PRKCA: variants seen among roughly 807,000 people sequenced by gnomAD.
The protein encoded by PRKCA is protein kinase C alpha.
PRKCA carries 27 observed loss-of-function variants against 87.0 expected under a neutral mutation model. The ratio of observed to expected loss-of-function variants is 0.31; its 90% confidence interval spans 0.23 to 0.43. The LOEUF is 0.43. PRKCA is among the 20% of genes least tolerant of loss of function. The pLI is 1.00. For missense variants in PRKCA, 518 were observed against 852.3 expected, an observed-to-expected ratio of 0.61 and a Z score of 4.88; for synonymous variants, 329 against 311.1, an observed-to-expected ratio of 1.06 and a Z score of -0.61.
At chr17:66,771,699 G>C (rs747577280) in intron 13 of PRKCA, among the ~76,000 whole-genome samples, 1 of 151,896 alleles carries the variant, frequency 6.6e-6, no homozygotes, top group South Asian at 2.1e-4. Flanking sequence ...GGGTTCAAGC[G>C]ATTCTCCTAC....
intron 3 of PRKCA, among the ~76,000 whole-genome samples, chr17:66,582,790 T>C (rs1969484843): frequency 6.6e-6 from 1 of 152,154 alleles, no homozygotes; most frequent in African/African-American, 2.4e-5. Context: ...TCAGCTCCTC[T>C]ACCAACTCTA....
chr17:66,418,481 G>T (rs1052409170), intron 2 of PRKCA, among the ~76,000 whole-genome samples: 2 of 151,504 alleles, frequency 1.3e-5, no homozygotes, highest in Non-Finnish European at 2.9e-5. Context: ...CTGTCACCAG[G>T]CTGGAGTGCA....
At chr17:66,686,270 T>C (rs781161111) in intron 5 of PRKCA, among the ~76,000 whole-genome samples, 1 of 152,188 alleles carries the variant, frequency 6.6e-6, no homozygotes, top group Non-Finnish European at 1.5e-5. Context: ...TTCCTTCTAA[T>C]TATTTTTGAT....
At chr17:66,529,882 C>A (rs954770206) in intron 3 of PRKCA, among the ~76,000 whole-genome samples, 2 of 152,196 alleles carry the variant, frequency 1.3e-5, no homozygotes, top group Non-Finnish European at 2.9e-5. Context: ...CCAGACTAAT[C>A]AAATACATTT....
At chr17:66,645,642 C>T in intron 5 of PRKCA, 131 bp downstream of exon 5, 1 of 1,340,958 alleles carries the variant, frequency 7.5e-7, no homozygotes, top group Non-Finnish European at 1.0e-6. Flanking sequence ...CTGGTGGAGC[C>T]ATCACTGTCT....
intron 1 of PRKCA, among the ~76,000 whole-genome samples, chr17:66,305,339 A>G (rs940394119): frequency 9.2e-5 from 14 of 152,246 alleles, no homozygotes; most frequent in Non-Finnish European, 1.8e-4. Flanking sequence ...GAAACATTCT[A>G]TGTGAAGCAA....
intron 13 of PRKCA, among the ~76,000 whole-genome samples, chr17:66,756,417 G>A (rs1974549179): frequency 6.6e-6 from 1 of 151,972 alleles, no homozygotes; most frequent in African/African-American, 2.4e-5. Flanking sequence ...ACAAGACAGA[G>A]ACCTCATCGT....
chr17:66,398,393 G>GA (rs1910812897), intron 2 of PRKCA, among the ~76,000 whole-genome samples: 1 of 152,224 alleles, frequency 6.6e-6, no homozygotes, highest in African/African-American at 2.4e-5. Flanking sequence ...CTTTTGAAGT[G>GA]AATAGTGGCT....
At chr17:66,787,214 C>T (rs976736458) in intron 15 of PRKCA, 1 of 688,186 alleles carries the variant, frequency 1.5e-6, no homozygotes, top group African/African-American at 1.8e-5. Context: ...TAGTGTTGCT[C>T]CTGGCCTGGC....
intron 3 of PRKCA, among the ~76,000 whole-genome samples, chr17:66,629,447 A>C (rs1422477791): frequency 1.3e-5 from 2 of 152,198 alleles, no homozygotes; most frequent in African/African-American, 4.8e-5. Flanking sequence ...TCCTGTTTTT[A>C]CTAAATTAAA....
At chr17:66,656,446 T>A (rs1007055190) in intron 5 of PRKCA, among the ~76,000 whole-genome samples, 6 of 152,244 alleles carry the variant, frequency 3.9e-5, no homozygotes, top group Non-Finnish European at 8.8e-5. Context: ...CAGGTCATTC[T>A]TGTGCAGGAT....
chr17:66,316,671 C>T (rs1905332894), intron 2 of PRKCA, among the ~76,000 whole-genome samples: 1 of 152,042 alleles, frequency 6.6e-6, no homozygotes, highest in Non-Finnish European at 1.5e-5. Flanking sequence ...TTTGACACTT[C>T]TTTCTGCTGA....
chr17:66,773,709 G>T (rs1451669280), intron 13 of PRKCA, among the ~76,000 whole-genome samples: 3 of 151,942 alleles, frequency 2.0e-5, no homozygotes, highest in Admixed American at 2.0e-4. Context: ...TTCTGCCAGG[G>T]AGGATAATTA....
At chr17:66,418,512 T>TCTGCCTCC (rs1912294967) in intron 2 of PRKCA, among the ~76,000 whole-genome samples, 1 of 149,760 alleles carries the variant, frequency 6.7e-6, no homozygotes, top group Non-Finnish European at 1.5e-5. Context: ...CTCAGCTCAC[T>TCTGCCTCC]GCAACCTCTG....
Position 66,700,566 on chromosome 17 carries a change from A to G in PRKCA, c.918+11519A>G, listed in dbSNP as rs147644446. Among the ~76,000 whole-genome samples, 370 of 152,342 alleles carry G rather than the reference A, an allele frequency of 2.4e-3. 2 individuals carry two copies. Among genetic ancestry groups the G allele is most frequent in the African/African-American group, 8.2e-3 (342 of 41,590 alleles). ...TAGAAGACCTTAAAGACACCACCAA[A>G]GAACTTGTTAGAACTAATGAACAAA... On this transcript the variant is annotated intron_variant, in intron 8 of 16. Coordinates refer to ENST00000413366, the MANE Select transcript of PRKCA (RefSeq NM_002737.3).
Position 66,546,203 on chromosome 17 carries a change from C to G in PRKCA, c.288+49920C>G, listed in dbSNP as rs563907714. Among the ~76,000 whole-genome samples the G allele has an allele frequency of 3.3e-5, 5 of 152,316 alleles. No individual in the cohort carries two copies. The South Asian group carries it at 8.3e-4, about 25-fold the overall frequency. On this transcript the variant is annotated intron_variant, in intron 3 of 16. Transcript: ENST00000413366. ...GATTATAATTTACATTTAATGACCA[C>G]TATCCTTTTATTTGCATTCAGTTCA...
At chr17:66,780,397 C>T (rs903313978) in intron 14 of PRKCA, among the ~76,000 whole-genome samples, 1 of 152,054 alleles carries the variant, frequency 6.6e-6, no homozygotes, top group Non-Finnish European at 1.5e-5. Context: ...ATATAAGAGG[C>T]TGGGTACGGT....
intron 3 of PRKCA, among the ~76,000 whole-genome samples, chr17:66,587,663 A>ATG (rs1567916793): frequency 6.7e-6 from 1 of 149,698 alleles, no homozygotes; most frequent in African/African-American, 2.5e-5. Flanking sequence ...GTGTGTGTAT[A>ATG]TATACATATA....
intron 4 of PRKCA, among the ~76,000 whole-genome samples, chr17:66,644,293 T>C (rs939987300): frequency 2.0e-5 from 3 of 152,180 alleles, no homozygotes; most frequent in African/African-American, 7.2e-5. Flanking sequence ...CCAATTTACT[T>C]TGTCATGTTA....
Sources: gnomAD v4.1 joint callset for allele counts (sites outside exome capture counted in the v4.1 genomes callset) on GRCh38, gnomAD v4.1.1 for gene constraint, MANE v1.5 for transcripts, NCBI Gene and HGNC (gene_info 2026-07-23, HGNC 2026-07-21) for gene names.